Variants in SKI observed in about 807,000 individuals in gnomAD.
SKI encodes the protein SKI proto-oncogene.
A neutral mutation model predicts 59.3 loss-of-function variants in SKI; 23 were observed. The observed-to-expected ratio is 0.39, with a 90% CI of 0.28 to 0.55. The LOEUF (loss-of-function observed/expected upper bound fraction) is 0.55. Ranked by LOEUF, SKI falls within the 20% of genes least tolerant of loss-of-function variation. The pLI is 0.67. For synonymous variants in SKI, 673 were observed against 488.6 expected (o/e 1.38, Z -4.98); for missense variants, 1,017 against 1,038.9 (o/e 0.98, Z 0.29).
At chr1:2,271,733 G>A (rs1639626392) in intron 1 of SKI, among the ~76,000 whole-genome samples, 1 of 152,060 alleles carries the variant, frequency 6.6e-6, no homozygotes, top group Admixed American at 6.5e-5. Flanking sequence ...GGGGGTAGGG[G>A]GCTTTTGGTG....
rs1185888061 is a variant in SKI at position 2,253,106 on chromosome 1, AAAAAAT to A, written c.969+23373_969+23378del. Among the ~76,000 whole-genome samples, 23 of 152,132 alleles carry A rather than the reference AAAAAAT, an allele frequency of 1.5e-4. No homozygotes were observed. The East Asian group carries it at 4.1e-3, about 27-fold the overall frequency. ...GTGAGACCCTGTCTGAAAAAAAAAA[AAAAAAT>A]AGAGTTGCTAAATTGGAGTAAATAT... On this transcript the variant is annotated intron_variant, in intron 1 of 6. Transcript: ENST00000378536.
In SKI at chr1:2,303,226, G is replaced by A. The variant is rs1640471544; in HGVS notation, c.1096-59G>A. 1 of 1,602,350 alleles carries A rather than the reference G, an allele frequency of 6.2e-7. No individual in the cohort carries two copies. The highest frequency in any genetic ancestry group is 8.5e-7 in the Non-Finnish European group (1 of 1,171,058). ...GGGCTGGCACCCGGCGCAGCCTCAGGGACATGAAGTGGCTTGTTTTTCTCC... is the reference window on the plus strand; with the variant it reads ...GGGCTGGCACCCGGCGCAGCCTCAGAGACATGAAGTGGCTTGTTTTTCTCC... On this transcript the variant is annotated intron_variant, in intron 2 of 6. Transcript: ENST00000378536. This position sits in a 1 kb window ranked among gnomAD's most constrained non-coding sequence, Gnocchi z 5.6.
At position 2,270,507 on chromosome 1, in the gene SKI, G is replaced by A. The variant is rs1199147213; in HGVS notation, c.970-32471G>A. Among the ~76,000 whole-genome samples, 3 of 152,222 alleles carry A rather than the reference G, an allele frequency of 2.0e-5. No homozygotes were observed. Among genetic ancestry groups the A allele is most frequent in the Admixed American group, 1.3e-4 (2 of 15,282 alleles). On this transcript the variant is annotated intron_variant, in intron 1 of 6. Coordinates refer to ENST00000378536, the MANE Select transcript of SKI (RefSeq NM_003036.4). This position sits in a 1 kb window ranked among gnomAD's most constrained non-coding sequence, Gnocchi z 4.1. ...GGGTAATGGGAGGCCTGTGGTTCCT[G>A]GGCTGCCATCTGGCGATTGTAAAAC...
Position 2,228,955 on chromosome 1 carries a change from G to T in SKI, c.189G>T (p.Pro63=). 1 of 1,401,434 alleles carries T rather than the reference G, an allele frequency of 7.1e-7. No homozygotes were observed. The highest frequency in any genetic ancestry group is 1.5e-5 in the South Asian group (1 of 67,624). The allele number at this position is 1,401,434 out of a possible 1,614,324, so 86.8% of individuals were successfully genotyped here. A position where few individuals can be genotyped will look rare whatever the true frequency, so the allele number is the denominator to read the frequency against. ...KEAGAAAVPA[P]VPAATEPPPV... ...CGGGCGCGGCCGCGGTGCCGGCGCCGGTGCCCGCAGCCACCGAGCCGCCGC... is the reference window on the plus strand; with the variant it reads ...CGGGCGCGGCCGCGGTGCCGGCGCCTGTGCCCGCAGCCACCGAGCCGCCGC... Residue 63 remains proline, a synonymous_variant, in exon 1 of 7, where the codon CCG becomes CCT. Transcript: ENST00000378536.
chr1:2,234,825 C>G (rs1357043817), intron 1 of SKI, among the ~76,000 whole-genome samples: 1 of 152,122 alleles, frequency 6.6e-6, no homozygotes, highest in African/African-American at 2.4e-5. Context: ...GAATTATTTC[C>G]CTAATATCTG....
intron 1 of SKI, among the ~76,000 whole-genome samples, chr1:2,241,558 A>G (rs1638873859): frequency 6.6e-6 from 1 of 151,954 alleles, no homozygotes; most frequent in African/African-American, 2.4e-5. Context: ...GTGCCCGGCT[A>G]ATTTTTTTGT....
intron 1 of SKI, among the ~76,000 whole-genome samples, chr1:2,264,560 C>T (rs988375538): frequency 1.3e-5 from 2 of 152,052 alleles, no homozygotes; most frequent in African/African-American, 2.4e-5. Flanking sequence ...TGAGCCACTG[C>T]GTCCGGCCTG....
rs1345021366 is a variant in SKI, at chr1:2,309,719, C to T, written c.*2954C>T. 1 of 71,738 alleles carries T rather than the reference C, an allele frequency of 1.4e-5. No homozygotes were observed. The highest frequency in any genetic ancestry group is 5.8e-5 in the African/African-American group (1 of 17,318). The allele number at this position is 71,738 out of a possible 1,614,324, so 4.4% of individuals were successfully genotyped here. ...CCGAACCCCGGCCCCCCCACCCCCT[C>T]CTCCCTGTGGGTCCGAACCCCGGCC... On this transcript the variant is annotated 3_prime_UTR_variant, in exon 7 of 7. Transcript: ENST00000378536.
intron 1 of SKI, among the ~76,000 whole-genome samples, chr1:2,237,130 G>A (rs1451589810): frequency 6.6e-6 from 1 of 152,228 alleles, no homozygotes; most frequent in Non-Finnish European, 1.5e-5. Flanking sequence ...AGCTGCGTGT[G>A]TGAGGTGATG....
At chr1:2,287,360 T>G (rs1264322149) in intron 1 of SKI, among the ~76,000 whole-genome samples, 6 of 142,322 alleles carry the variant, frequency 4.2e-5, no homozygotes, top group South Asian at 2.2e-4. Context: ...TTTTTGAGAC[T>G]GAGTCTGGCT....
At chr1:2,285,545 C>G (rs146928796) in intron 1 of SKI, among the ~76,000 whole-genome samples, 61 of 149,984 alleles carry the variant, frequency 4.1e-4, no homozygotes, top group African/African-American at 1.5e-3. Flanking sequence ...ACAACTCTTC[C>G]TTTGAAAGTT....
chr1:2,240,404 G>A, intron 1 of SKI: 1 of 820,282 alleles, frequency 1.2e-6, no homozygotes, highest in Non-Finnish European at 1.5e-6. Flanking sequence ...ACGGGCAGGA[G>A]TGTGTCTGGG....
intron 1 of SKI, among the ~76,000 whole-genome samples, chr1:2,247,675 A>C (rs900313338): frequency 6.6e-6 from 1 of 152,160 alleles, no homozygotes; most frequent in African/African-American, 2.4e-5. Flanking sequence ...TTTCTGGGAC[A>C]ATCTGCTGGC....
rs779397895 is a variant in SKI at position 2,306,211 on chromosome 1, C to T, written c.1959C>T (p.Gly653=). The change falls in exon 6 of 7, where the codon GGC becomes GGT. Residue 653 remains glycine, a synonymous_variant. Transcript: ENST00000378536. ...QARQARVCDK[G]CEAGRLRAKY... is the part of the protein sequence containing the mutation. ...GGCAGGCCCGGGTGTGCGACAAGGG[C>T]TGCGAGGCGGGCCGCCTGCGCGCCA... The T allele has an allele frequency of 6.3e-7, 1 of 1,575,580 alleles. No homozygotes were observed. Among genetic ancestry groups the T allele is most frequent in the African/African-American group, 1.3e-5 (1 of 74,284 alleles).
intron 1 of SKI, among the ~76,000 whole-genome samples, chr1:2,245,125 C>G (rs1383262019): frequency 6.6e-6 from 1 of 152,138 alleles, no homozygotes; most frequent in Non-Finnish European, 1.5e-5. Context: ...ACCCACCCGC[C>G]GCTTTCTGTT....
rs552065460 is a variant in SKI, at chr1:2,303,819, G to C, written c.1212-21G>C. 6.1e-4 allele frequency: 990 copies of C among 1,611,056 alleles called. 18 individuals are homozygous for C. In the South Asian group the frequency reaches 0.01, roughly 17 times the overall value. ...TGCTTGGGGACAGAGGCACCTTCCC[G>C]ACACCCGCCTGCCCCTCCAGCTTCT... On this transcript the variant is annotated intron_variant, in intron 3 of 6. Coordinates refer to ENST00000378536, the MANE Select transcript of SKI (RefSeq NM_003036.4). This position sits in a 1 kb window ranked among gnomAD's most constrained non-coding sequence, Gnocchi z 5.6.
At chr1:2,230,565 C>G (rs1445531096) in intron 1 of SKI, among the ~76,000 whole-genome samples, 4 of 152,148 alleles carry the variant, frequency 2.6e-5, no homozygotes, top group African/African-American at 7.2e-5. Context: ...AGGGGTGCGC[C>G]GGAGAGGGAG....
intron 1 of SKI, among the ~76,000 whole-genome samples, chr1:2,296,160 C>A (rs919931880): frequency 6.6e-6 from 1 of 150,424 alleles, no homozygotes; most frequent in Non-Finnish European, 1.5e-5. Flanking sequence ...GGGCAGATTG[C>A]ATGAGTTCAG....
intron 1 of SKI, among the ~76,000 whole-genome samples, chr1:2,290,620 C>T (rs1640139873): frequency 1.3e-5 from 2 of 152,148 alleles, no homozygotes; most frequent in Non-Finnish European, 2.9e-5. Flanking sequence ...TCTGGGCCAG[C>T]GCTGGGGGCA....
Sources: gnomAD v4.1 joint callset for allele counts (sites outside exome capture counted in the v4.1 genomes callset) on GRCh38, gnomAD v4.1.1 for gene constraint, Gnocchi (gnomAD v3.1) non-coding constraint, MANE v1.5 for transcripts, NCBI Gene and HGNC (gene_info 2026-07-23, HGNC 2026-07-21) for gene names.